ULK4: variants seen among roughly 807,000 people sequenced by gnomAD.
ULK4 encodes the protein inactive serine/threonine-protein kinase ULK4.
Under a neutral mutation model 160.6 loss-of-function variants are expected in ULK4, and 133 were observed. The observed-to-expected ratio is 0.83, with a 90% CI of 0.72 to 0.96. The LOEUF is 0.96. ULK4 is among the 40% of genes least tolerant of loss of function. ULK4 has a pLI of 0.00. For synonymous variants in ULK4, 534 were observed against 539.8 expected, an observed-to-expected ratio of 0.99 and a Z score of 0.15; for missense variants, 1,580 against 1,499.5, an observed-to-expected ratio of 1.05 and a Z score of -0.89.
intron 31 of ULK4, among the ~76,000 whole-genome samples, chr3:41,591,426 C>G (rs2031298596): frequency 6.6e-6 from 1 of 151,662 alleles, no homozygotes. Context: ...TTTGGCTTCC[C>G]TGGGCCACAC....
At chr3:41,378,897 C>G (rs949675659) in intron 35 of ULK4, among the ~76,000 whole-genome samples, 1 of 151,998 alleles carries the variant, frequency 6.6e-6, no homozygotes, top group Non-Finnish European at 1.5e-5. Context: ...GAGTTCAAGT[C>G]CTTTGTGGGG....
intron 29 of ULK4, among the ~76,000 whole-genome samples, chr3:41,666,121 G>A (rs1379528133): frequency 6.6e-6 from 1 of 152,172 alleles, no homozygotes; most frequent in Non-Finnish European, 1.5e-5. Context: ...AACCAGAGAA[G>A]CTCACCTGAG....
intron 32 of ULK4, among the ~76,000 whole-genome samples, chr3:41,488,868 C>T (rs1328181071): frequency 1.3e-5 from 2 of 152,080 alleles, no homozygotes; most frequent in Non-Finnish European, 2.9e-5. Flanking sequence ...GGCACAGGGG[C>T]ATGATGTGAA....
At chr3:41,255,954 C>A (rs1378735131) in intron 35 of ULK4, among the ~76,000 whole-genome samples, 2 of 152,002 alleles carry the variant, frequency 1.3e-5, no homozygotes, top group Non-Finnish European at 2.9e-5. Flanking sequence ...CAAAATATAC[C>A]ATCTGCTGGG....
Position 41,742,930 on chromosome 3 carries a change from A to G in ULK4, c.2321+11431T>C, listed in dbSNP as rs61672388. ...AACTTATGAAATCTGAAAAACAGAGAAAAAATAGACAAAAGAAAAAAAATA... is the reference window on the plus strand; with the variant it reads ...AACTTATGAAATCTGAAAAACAGAGGAAAAATAGACAAAAGAAAAAAAATA... On this transcript the variant is annotated intron_variant, in intron 22 of 36. Coordinates refer to ENST00000301831, the MANE Select transcript of ULK4 (RefSeq NM_017886.4). Among the ~76,000 whole-genome samples, 424 of 151,928 alleles carry G rather than the reference A, an allele frequency of 2.8e-3. 14 individuals are homozygous for G. The highest frequency in any genetic ancestry group is 1.0e-2 in the African/African-American group (412 of 41,282).
Position 41,900,388 on chromosome 3 carries a change from C to T in ULK4, c.1287+337G>A, listed in dbSNP as rs113967289. Among the ~76,000 whole-genome samples the T allele has an allele frequency of 3.3e-3, 501 of 152,162 alleles. 7 individuals are homozygous for T. The highest frequency in any genetic ancestry group is 0.012 in the African/African-American group (480 of 41,482). On this transcript the variant is annotated intron_variant, in intron 13 of 36. Transcript: ENST00000301831. ...TTAGAGTGATTCACATTAGTGCATA[C>T]GGAGAAACAAAAGGACTGAGAGCTA...
rs143588026 is a variant in ULK4 at position 41,523,553 on chromosome 3, T to C, written c.3226+42472A>G. 4.0e-3 allele frequency among the ~76,000 whole-genome samples: 603 copies of C among 152,308 alleles called. 2 individuals carry two copies. The highest frequency in any genetic ancestry group is 0.014 in the African/African-American group (566 of 41,582). On this transcript the variant is annotated intron_variant, in intron 32 of 36. Coordinates refer to ENST00000301831, the MANE Select transcript of ULK4 (RefSeq NM_017886.4). ...AAAATAAATACTTGTATAATACATTTTTATGGATTTTTTTAAAAACCACAT... is the reference window on the plus strand; with the variant it reads ...AAAATAAATACTTGTATAATACATTCTTATGGATTTTTTTAAAAACCACAT...
chr3:41,680,928 A>G (rs61067680), intron 29 of ULK4, among the ~76,000 whole-genome samples: 10,000 of 152,282 alleles, frequency 0.066, 663 homozygotes, highest in African/African-American at 0.17. Flanking sequence ...GTGAGATTTT[A>G]GGGTTTTGCA....
At chr3:41,634,224 T>C (rs181361860) in intron 30 of ULK4, among the ~76,000 whole-genome samples, 1 of 152,332 alleles carries the variant, frequency 6.6e-6, no homozygotes, top group African/African-American at 2.4e-5. Context: ...TACTGGCAGA[T>C]GTCCTTGTGC....
chr3:41,293,690 A>G (rs1481407951), intron 35 of ULK4, among the ~76,000 whole-genome samples: 1 of 152,170 alleles, frequency 6.6e-6, no homozygotes, highest in Non-Finnish European at 1.5e-5. Flanking sequence ...TCAATGGTAA[A>G]ATAATAGTAG....
intron 35 of ULK4, among the ~76,000 whole-genome samples, chr3:41,390,185 G>A (rs1399540367): frequency 2.0e-5 from 3 of 152,122 alleles, no homozygotes; most frequent in Non-Finnish European, 4.4e-5. Context: ...TTCTCTGATT[G>A]TAGTTTGTAT....
At chr3:41,814,908 CTTTTT>C (rs201381514) in intron 19 of ULK4, among the ~76,000 whole-genome samples, 1 of 127,434 alleles carries the variant, frequency 7.8e-6, no homozygotes. Context: ...TAATTCTGTC[CTTTTT>C]TTTTTTTTTT....
chr3:41,525,114 T>C (rs1226286551), intron 32 of ULK4, among the ~76,000 whole-genome samples: 1 of 152,200 alleles, frequency 6.6e-6, no homozygotes, highest in African/African-American at 2.4e-5. Context: ...TTATCTGCTG[T>C]GATCCAGTCC....
chr3:41,864,435 G>C (rs2042572703), intron 17 of ULK4, among the ~76,000 whole-genome samples: 1 of 152,026 alleles, frequency 6.6e-6, no homozygotes, highest in African/African-American at 2.4e-5. Flanking sequence ...CCGGTACTAT[G>C]AGTGCTCACC....
chr3:41,673,645 T>C (rs566297745), intron 29 of ULK4, among the ~76,000 whole-genome samples: 1 of 152,174 alleles, frequency 6.6e-6, no homozygotes, highest in East Asian at 1.9e-4. Context: ...TATATCAGCA[T>C]GATCTCTTTT....
At chr3:41,744,883 CAA>C (rs1178488132) in intron 22 of ULK4, among the ~76,000 whole-genome samples, 1 of 151,562 alleles carries the variant, frequency 6.6e-6, no homozygotes, top group East Asian at 1.9e-4. Context: ...ATAATAAAAT[CAA>C]ACTATATATC....
At chr3:41,820,614 G>A (rs1373512806) in intron 18 of ULK4, among the ~76,000 whole-genome samples, 1 of 152,048 alleles carries the variant, frequency 6.6e-6, no homozygotes, top group African/African-American at 2.4e-5. Context: ...AAAGACACTA[G>A]AGACTACAAC....
At chr3:41,939,163 C>CTTTT (rs3044215) in intron 2 of ULK4, among the ~76,000 whole-genome samples, 7 of 146,224 alleles carry the variant, frequency 4.8e-5, no homozygotes, top group Admixed American at 6.8e-5. Context: ...AATGATTACC[C>CTTTT]TTTTTTTTTT....
At chr3:41,470,018 G>GGAAAA (rs2083937704) in intron 32 of ULK4, among the ~76,000 whole-genome samples, 1 of 45,976 alleles carries the variant, frequency 2.2e-5, no homozygotes, top group Non-Finnish European at 3.8e-5. Context: ...AAACAGAACA[G>GGAAAA]AAAAAAAAAA....
Sources: allele counts gnomAD v4.1 joint callset (sites outside exome capture counted in the v4.1 genomes callset), GRCh38; gene constraint gnomAD v4.1.1; transcripts MANE v1.5; gene names NCBI Gene and HGNC (gene_info 2026-07-23, HGNC 2026-07-21).